The following SETD5 variants were observed in gnomAD, a reference collection of about 807,000 sequenced individuals.
The protein encoded by SETD5 is histone-lysine N-methyltransferase SETD5.
SETD5 carries 44 observed loss-of-function variants against 153.3 expected under a neutral mutation model. That is an observed-to-expected ratio of 0.29 (90% CI 0.23 to 0.37). The LOEUF is 0.37. Among genes scored for constraint, SETD5 ranks in the 10% least tolerant of loss-of-function variants. SETD5 has a pLI of 1.00. For missense variants in SETD5, 1,544 were observed against 1,768.0 expected, an observed-to-expected ratio of 0.87 and a Z score of 2.27; for synonymous variants, 716 against 645.2, an observed-to-expected ratio of 1.11 and a Z score of -1.66.
intron 18 of SETD5, among the ~76,000 whole-genome samples, chr3:9,466,486 T>C (rs1004252654): frequency 2.0e-5 from 3 of 152,006 alleles, no homozygotes; most frequent in African/African-American, 7.2e-5. Flanking sequence ...CCATGCATAA[T>C]GTTAGAATAC....
chr3:9,432,131 T>A, intron 3 of SETD5: 1 of 200,944 alleles, frequency 5.0e-6, no homozygotes, highest in Non-Finnish European at 8.9e-6. Flanking sequence ...TCAGATCATC[T>A]TTTTCTCAAG....
chr3:9,462,417 C>T (rs1018236388), intron 17 of SETD5, among the ~76,000 whole-genome samples: 9 of 151,242 alleles, frequency 6.0e-5, no homozygotes, highest in African/African-American at 2.2e-4. Context: ...GAAACCCCGT[C>T]TCTACTAAAA....
chr3:9,440,109 T>C lies in SETD5; in HGVS notation c.568-347T>C, dbSNP rs562791411. Among the ~76,000 whole-genome samples the C allele has an allele frequency of 1.4e-4, 22 of 152,364 alleles. No individual in the cohort carries two copies. The East Asian group carries it at 4.0e-3, about 28-fold the overall frequency. On this transcript the variant is annotated intron_variant, in intron 7 of 22. Coordinates refer to ENST00000402198, the MANE Select transcript of SETD5 (RefSeq NM_001080517.3). ...ACTGTTCATTTGTATGAAGATTTTC[T>C]TATGAACTTGATGTCAGTCCTTTGA...
intron 1 of SETD5, among the ~76,000 whole-genome samples, chr3:9,398,991 G>T (rs1417032810): frequency 6.6e-6 from 1 of 152,150 alleles, no homozygotes; most frequent in African/African-American, 2.4e-5. Flanking sequence ...GTATTCACCG[G>T]TAACTCATTT....
intron 2 of SETD5, among the ~76,000 whole-genome samples, chr3:9,424,755 G>A (rs2038897491): frequency 6.6e-6 from 1 of 152,092 alleles, no homozygotes; most frequent in Admixed American, 6.5e-5. Flanking sequence ...ATTATAATAA[G>A]AAAATACTGC....
Position 9,434,786 on chromosome 3 carries a change from G to T in SETD5, c.330-38G>T. On this transcript the variant is annotated intron_variant, in intron 5 of 22. Transcript: ENST00000402198. The surrounding 1 kb of genome is among the most constrained non-coding windows in gnomAD (Gnocchi z 5.6). ...TGTGTGCTATGATGTGATGCATGCT[G>T]TTGGAAGGACTACTTTAAGTTTATT... 1 of 1,596,608 alleles carries T rather than the reference G, an allele frequency of 6.3e-7. No individual in the cohort carries two copies. Among genetic ancestry groups the T allele is most frequent in the Non-Finnish European group, 8.5e-7 (1 of 1,171,112 alleles).
chr3:9,465,009 C>T (rs905814540), intron 18 of SETD5: 5 of 323,650 alleles, frequency 1.5e-5, no homozygotes, highest in African/African-American at 1.1e-4. Flanking sequence ...CCTCTAGCTG[C>T]CTGTAGTATC....
At chr3:9,465,431 C>CT (rs2044440027) in intron 18 of SETD5, among the ~76,000 whole-genome samples, 1 of 152,172 alleles carries the variant, frequency 6.6e-6, no homozygotes, top group Admixed American at 6.5e-5. Flanking sequence ...TTGCATGTTA[C>CT]TTTGATTTGT....
intron 1 of SETD5, among the ~76,000 whole-genome samples, chr3:9,417,316 G>A (rs1257106309): frequency 6.6e-6 from 1 of 152,134 alleles, no homozygotes; most frequent in African/African-American, 2.4e-5. Flanking sequence ...TCAGTCAGGT[G>A]CTAGTGCCAG....
intron 7 of SETD5, among the ~76,000 whole-genome samples, chr3:9,439,760 A>G (rs1266062700): frequency 1.3e-5 from 2 of 152,182 alleles, no homozygotes; most frequent in Non-Finnish European, 2.9e-5. Context: ...CATTTTCTAT[A>G]TTCTCCCTAC....
intron 17 of SETD5, among the ~76,000 whole-genome samples, chr3:9,455,157 T>G (rs2043074506): frequency 6.9e-6 from 1 of 145,072 alleles, no homozygotes; most frequent in African/African-American, 2.6e-5. Flanking sequence ...ATTGCCTTTT[T>G]TTCTTTTTTT....
At chr3:9,431,538 A>G in intron 3 of SETD5, 4 of 984,346 alleles carry the variant, frequency 4.1e-6, no homozygotes, top group Non-Finnish European at 4.8e-6. Flanking sequence ...CTGTGTATTC[A>G]ATCAGTAACC....
chr3:9,445,988 T>TTTTTTTTTTTTTTA (rs1260243657), intron 13 of SETD5, among the ~76,000 whole-genome samples: 16 of 145,684 alleles, frequency 1.1e-4, no homozygotes, highest in African/African-American at 3.9e-4. Context: ...TTTTTTTTTT[T>TTTTTTTTTTTTTTA]ACTAACAATC....
chr3:9,462,564 G>A (rs899866023), intron 17 of SETD5, among the ~76,000 whole-genome samples: 3 of 145,450 alleles, frequency 2.1e-5, no homozygotes, highest in Non-Finnish European at 1.5e-5. Flanking sequence ...TCCAGCCTAG[G>A]TGACAGAGCA....
chr3:9,406,540 G>A (rs191734347), intron 1 of SETD5, among the ~76,000 whole-genome samples: 2,971 of 150,400 alleles, frequency 0.02, 67 homozygotes, highest in Admixed American at 0.085. Flanking sequence ...CCCGGGAGGC[G>A]GAGCCTGCAG....
intron 17 of SETD5, among the ~76,000 whole-genome samples, chr3:9,454,632 A>G (rs2043005159): frequency 7.3e-6 from 1 of 136,620 alleles, no homozygotes; most frequent in South Asian, 2.2e-4. Context: ...CAAAAAAAAA[A>G]AAAAAAAAAA....
intron 18 of SETD5, among the ~76,000 whole-genome samples, chr3:9,466,239 G>C (rs1166719786): frequency 7.2e-6 from 1 of 138,460 alleles, no homozygotes; most frequent in Admixed American, 8.1e-5. Flanking sequence ...AGTGAGCCGA[G>C]ATCGCGCCAT....
intron 19 of SETD5, among the ~76,000 whole-genome samples, 162 bp downstream of exon 19, chr3:9,471,091 G>C (rs1030449787): frequency 6.6e-6 from 1 of 152,182 alleles, no homozygotes; most frequent in Non-Finnish European, 1.5e-5. Flanking sequence ...GTACAACTTG[G>C]TGAATGTTGT....
intron 13 of SETD5, among the ~76,000 whole-genome samples, chr3:9,446,681 C>T (rs529831558): frequency 2.1e-4 from 32 of 151,916 alleles, no homozygotes; most frequent in Non-Finnish European, 3.5e-4. Flanking sequence ...TTAGTAGAGA[C>T]GGAGTTTCAC....
Sources: gnomAD v4.1 joint callset for allele counts (sites outside exome capture counted in the v4.1 genomes callset) on GRCh38, gnomAD v4.1.1 for gene constraint, Gnocchi (gnomAD v3.1) non-coding constraint, MANE v1.5 for transcripts, NCBI Gene and HGNC (gene_info 2026-07-23, HGNC 2026-07-21) for gene names.